MGAT4D: variants seen among roughly 807,000 people sequenced by gnomAD.
MGAT4D encodes MGAT4 family member D, also known as alpha-1,3-mannosyl-glycoprotein 4-beta-N-acetylglucosaminyltransferase-like protein MGAT4D.
Under a neutral mutation model 15.9 loss-of-function variants are expected in MGAT4D, and 34 were observed. That is an observed-to-expected ratio of 2.14 (90% confidence interval 1.62 to 2.84). MGAT4D has a LOEUF of 2.84. MGAT4D is among the 30% of genes most tolerant of loss of function. MGAT4D has a pLI of 0.00. For missense variants in MGAT4D, 327 were observed against 140.2 expected (o/e 2.33, Z -6.73); for synonymous variants, 112 against 48.2 (o/e 2.33, Z -5.49).
intron 1 of MGAT4D, among the ~76,000 whole-genome samples, chr4:140,490,643 C>T (rs563865848): frequency 2.8e-4 from 43 of 152,144 alleles, no homozygotes; most frequent in Non-Finnish European, 5.4e-4. Flanking sequence ...GATCTCCTTG[C>T]TGGCTGGTTT....
chr4:140,488,563 G>A (rs1733294854), intron 1 of MGAT4D, among the ~76,000 whole-genome samples: 2 of 152,218 alleles, frequency 1.3e-5, no homozygotes, highest in African/African-American at 4.8e-5. Context: ...GGTGGAGAAG[G>A]TTTCAGAGAA....
intron 10 of MGAT4D, among the ~76,000 whole-genome samples, chr4:140,445,344 G>GTTTT (rs1730052200): frequency 6.6e-6 from 1 of 152,014 alleles, no homozygotes; most frequent in Non-Finnish European, 1.5e-5. Context: ...AAAAGCATCT[G>GTTTT]TTTGTGTCCT....
intron 9 of MGAT4D, among the ~76,000 whole-genome samples, chr4:140,456,114 G>C (rs117710306): frequency 1.3e-5 from 2 of 152,088 alleles, no homozygotes; most frequent in East Asian, 3.9e-4. Context: ...ATCCAGCCTG[G>C]GCTACAGAAT....
chr4:140,454,573 G>A (rs79565274), intron 9 of MGAT4D, among the ~76,000 whole-genome samples: 8,695 of 152,018 alleles, frequency 0.057, 296 homozygotes, highest in South Asian at 0.1. Context: ...TTTTTGCTCT[G>A]TTTTTGTCTG....
intron 5 of MGAT4D, among the ~76,000 whole-genome samples, chr4:140,465,843 T>C (rs971296592): frequency 1.3e-5 from 2 of 152,200 alleles, no homozygotes; most frequent in Admixed American, 1.3e-4. Flanking sequence ...TACTGTGTTT[T>C]AGTTAAATAA....
intron 8 of MGAT4D, 102 bp from the exon 9 acceptor site, chr4:140,456,821 T>G: frequency 1.9e-6 from 1 of 513,782 alleles, no homozygotes. Context: ...ATATGTCCCA[T>G]TCCTTAGAAA....
intron 10 of MGAT4D, among the ~76,000 whole-genome samples, chr4:140,444,552 C>T (rs920555953): frequency 2.0e-5 from 3 of 152,132 alleles, no homozygotes; most frequent in East Asian, 1.9e-4. Flanking sequence ...GACATGATCT[C>T]GTTCTTTTTT....
intron 5 of MGAT4D, among the ~76,000 whole-genome samples, chr4:140,467,468 C>T (rs901030448): frequency 1.3e-5 from 2 of 152,012 alleles, no homozygotes; most frequent in African/African-American, 4.8e-5. Flanking sequence ...AAAATTCCAT[C>T]CAAAGTCCAA....
chr4:140,451,541 T>G, intron 9 of MGAT4D, 24 bp from the exon 10 acceptor site: 1 of 519,360 alleles, frequency 1.9e-6, no homozygotes, highest in East Asian at 3.1e-5. Context: ...AACAACAATC[T>G]TCTGTAAAAA....
intron 5 of MGAT4D, among the ~76,000 whole-genome samples, chr4:140,467,626 C>T (rs2126760145): frequency 6.6e-6 from 1 of 152,222 alleles, no homozygotes; most frequent in South Asian, 2.1e-4. Context: ...CTAGGACTCT[C>T]TAAAACTTTT....
At chr4:140,467,464 C>G (rs1731616307) in intron 5 of MGAT4D, among the ~76,000 whole-genome samples, 1 of 152,056 alleles carries the variant, frequency 6.6e-6, no homozygotes, top group Non-Finnish European at 1.5e-5. Context: ...CTAGAAAATT[C>G]CATCCAAAGT....
intron 1 of MGAT4D, among the ~76,000 whole-genome samples, chr4:140,497,165 G>C (rs1256719598): frequency 6.6e-6 from 1 of 152,100 alleles, no homozygotes; most frequent in Admixed American, 6.5e-5. Context: ...CTCCTACCAA[G>C]ATTACCTTGT....
intron 1 of MGAT4D, among the ~76,000 whole-genome samples, chr4:140,485,257 T>C (rs1733026139): frequency 6.6e-6 from 1 of 152,194 alleles, no homozygotes; most frequent in Non-Finnish European, 1.5e-5. Flanking sequence ...TGTAGGGATA[T>C]GGATGAAATT....
At chr4:140,459,467 T>C (rs1242945151) in intron 8 of MGAT4D, 45 bp downstream of exon 8, 3 of 416,488 alleles carry the variant, frequency 7.2e-6, no homozygotes, top group African/African-American at 4.1e-5. Context: ...TTTAAATTAT[T>C]GTGTGCTAAA....
intron 1 of MGAT4D, among the ~76,000 whole-genome samples, chr4:140,491,049 A>G (rs899415472): frequency 1.3e-5 from 2 of 152,202 alleles, no homozygotes; most frequent in Non-Finnish European, 2.9e-5. Context: ...CTACAAGTCT[A>G]GTACAATTTA....
intron 7 of MGAT4D, among the ~76,000 whole-genome samples, chr4:140,460,987 C>T (rs896639863): frequency 2.0e-5 from 3 of 152,176 alleles, no homozygotes; most frequent in African/African-American, 7.2e-5. Flanking sequence ...CACAACTCCA[C>T]AACTAGCTGG....
intron 10 of MGAT4D, among the ~76,000 whole-genome samples, chr4:140,446,082 T>C (rs1053725518): frequency 6.6e-6 from 1 of 151,056 alleles, no homozygotes; most frequent in Non-Finnish European, 1.5e-5. Flanking sequence ...TTTTTTATTA[T>C]GGATTTTTGC....
At chr4:140,449,077 G>A (rs2126671306) in intron 10 of MGAT4D, among the ~76,000 whole-genome samples, 1 of 152,296 alleles carries the variant, frequency 6.6e-6, no homozygotes, top group Middle Eastern at 3.4e-3. Flanking sequence ...GTAATAAATG[G>A]AAAATGACTT....
intron 3 of MGAT4D, among the ~76,000 whole-genome samples, chr4:140,475,692 C>T (rs2088276583): frequency 1.4e-5 from 2 of 140,172 alleles, no homozygotes; most frequent in Non-Finnish European, 3.1e-5. Flanking sequence ...TCAAAACAGT[C>T]ATTTCAGGGC....
Sources: allele counts gnomAD v4.1 joint callset (sites outside exome capture counted in the v4.1 genomes callset), GRCh38; gene constraint gnomAD v4.1.1; transcripts MANE v1.5; gene names NCBI Gene and HGNC (gene_info 2026-07-23, HGNC 2026-07-21).